The following GRM7 variants were observed in gnomAD, a reference collection of about 807,000 sequenced individuals.
The protein encoded by GRM7 is metabotropic glutamate receptor 7.
GRM7 carries 35 observed loss-of-function variants against 84.5 expected under a neutral mutation model. The observed-to-expected ratio is 0.41, with a 90% CI of 0.32 to 0.55. The LOEUF is 0.55. Among genes scored for constraint, GRM7 ranks in the 20% least tolerant of loss-of-function variants. The pLI is 0.19. For missense variants in GRM7, 1,003 were observed against 1,194.6 expected (o/e 0.84, Z 2.36); for synonymous variants, 487 against 455.1 (o/e 1.07, Z -0.89).
chr3:7,217,803 G>GGATATA (rs1325570143), intron 2 of GRM7, among the ~76,000 whole-genome samples: 3 of 150,752 alleles, frequency 2.0e-5, no homozygotes, highest in African/African-American at 7.3e-5. Flanking sequence ...ATAGGGATAT[G>GGATATA]GATATAGATA....
intron 8 of GRM7, among the ~76,000 whole-genome samples, chr3:7,592,312 A>T (rs1450413575): frequency 1.3e-5 from 2 of 152,194 alleles, no homozygotes; most frequent in Non-Finnish European, 2.9e-5. Context: ...ACAGTCTGCA[A>T]TTAGGAATAG....
intron 4 of GRM7, among the ~76,000 whole-genome samples, chr3:7,398,279 G>A (rs967209946): frequency 6.6e-6 from 1 of 152,190 alleles, no homozygotes; most frequent in Non-Finnish European, 1.5e-5. Flanking sequence ...GCATGTGGCA[G>A]TGAACAGTTT....
chr3:7,325,467 C>T (rs910883028), intron 4 of GRM7, among the ~76,000 whole-genome samples: 2 of 152,244 alleles, frequency 1.3e-5, no homozygotes, highest in Non-Finnish European at 2.9e-5. Flanking sequence ...AAAAGTCTTG[C>T]ATTCAAGTTC....
intron 8 of GRM7, among the ~76,000 whole-genome samples, chr3:7,621,552 G>T (rs1697356949): frequency 6.6e-6 from 1 of 152,118 alleles, no homozygotes; most frequent in Non-Finnish European, 1.5e-5. Flanking sequence ...TGAAATGCTT[G>T]TGTATTCTAA....
chr3:7,140,148 A>G (rs1574952588), intron 1 of GRM7, among the ~76,000 whole-genome samples: 1 of 152,032 alleles, frequency 6.6e-6, no homozygotes, highest in East Asian at 1.9e-4. Flanking sequence ...AAGACAAAAT[A>G]TAAGAAGCAT....
At chr3:7,435,159 A>G (rs1219395308) in intron 5 of GRM7, among the ~76,000 whole-genome samples, 1 of 147,500 alleles carries the variant, frequency 6.8e-6, no homozygotes, top group East Asian at 2.0e-4. Flanking sequence ...CATTCTCTAT[A>G]TTTTCTTTTT....
Position 7,473,489 on chromosome 3 carries a change from G to GGAGAGAGAGAGA in GRM7, c.1515+11798_1515+11809dup, listed in dbSNP as rs372898836. Among the ~76,000 whole-genome samples, 709 of 126,456 alleles carry GGAGAGAGAGAGA rather than the reference G, an allele frequency of 5.6e-3. 17 individuals are homozygous for GGAGAGAGAGAGA. Among genetic ancestry groups the GGAGAGAGAGAGA allele is most frequent in the Admixed American group, 0.01 (118 of 11,468 alleles). The allele number at this position is 126,456 out of a possible 152,430, so 83.0% of individuals were successfully genotyped here. A position where few individuals can be genotyped will look rare whatever the true frequency, so the allele number is the denominator to read the frequency against. ...AGACTCTGTCTCTTAAAAACGAGAG[G>GGAGAGAGAGAGA]GAGAGAGAGAGAGAGAGAGAGAGAG... On this transcript the variant is annotated intron_variant, in intron 7 of 9. Coordinates refer to ENST00000357716, the MANE Select transcript of GRM7 (RefSeq NM_000844.4).
At chr3:7,095,506 A>C (rs1362898873) in intron 1 of GRM7, among the ~76,000 whole-genome samples, 1 of 152,134 alleles carries the variant, frequency 6.6e-6, no homozygotes, top group African/African-American at 2.4e-5. Context: ...TGACATTGAG[A>C]TTACATATTC....
chr3:7,003,179 T>G (rs1415818052), intron 1 of GRM7, among the ~76,000 whole-genome samples: 2 of 152,178 alleles, frequency 1.3e-5, no homozygotes, highest in Non-Finnish European at 2.9e-5. Flanking sequence ...TTGCACTGCA[T>G]GTTGACCACA....
intron 8 of GRM7, among the ~76,000 whole-genome samples, chr3:7,588,769 A>T (rs73809439): frequency 4.9e-4 from 74 of 152,334 alleles, no homozygotes; most frequent in African/African-American, 1.6e-3. Flanking sequence ...GTATTGGTGG[A>T]CAAATGAATG....
intron 1 of GRM7, among the ~76,000 whole-genome samples, chr3:6,913,313 C>T (rs912334498): frequency 6.6e-6 from 1 of 152,134 alleles, no homozygotes; most frequent in African/African-American, 2.4e-5. Context: ...TCACATTGCA[C>T]TTATTTGCAT....
At chr3:7,127,125 T>G (rs1242412763) in intron 1 of GRM7, among the ~76,000 whole-genome samples, 2 of 152,190 alleles carry the variant, frequency 1.3e-5, no homozygotes, top group African/African-American at 2.4e-5. Flanking sequence ...TGTAAAAAAT[T>G]ATCTGACACT....
chr3:7,211,653 A>C (rs199873192), intron 2 of GRM7, among the ~76,000 whole-genome samples: 1 of 17,272 alleles, frequency 5.8e-5, no homozygotes, highest in South Asian at 1.1e-3. Flanking sequence ...TCTCCCAACC[A>C]AAAAAAAAAA....
At chr3:7,357,601 A>C (rs1276576536) in intron 4 of GRM7, among the ~76,000 whole-genome samples, 1 of 152,142 alleles carries the variant, frequency 6.6e-6, no homozygotes, top group African/African-American at 2.4e-5. Context: ...AGAATGTTTT[A>C]TTACACTGCC....
chr3:7,722,537 G>C (rs999981657), intron 9 of GRM7, among the ~76,000 whole-genome samples: 4 of 151,250 alleles, frequency 2.6e-5, no homozygotes, highest in Non-Finnish European at 5.9e-5. Context: ...CTGCCTCCTG[G>C]ATTTAAGAGA....
chr3:7,628,369 C>G (rs972967455), intron 8 of GRM7, among the ~76,000 whole-genome samples: 3 of 152,114 alleles, frequency 2.0e-5, no homozygotes, highest in Non-Finnish European at 4.4e-5. Flanking sequence ...GAACTGGAAC[C>G]ATTTCTCATT....
At chr3:7,665,286 C>T (rs1424782550) in intron 8 of GRM7, among the ~76,000 whole-genome samples, 1 of 151,518 alleles carries the variant, frequency 6.6e-6, no homozygotes, top group African/African-American at 2.4e-5. Context: ...ATTCTCCTGC[C>T]TCAGCCTCCC....
At chr3:7,677,770 A>G (rs1003538380) in intron 8 of GRM7, among the ~76,000 whole-genome samples, 2 of 152,368 alleles carry the variant, frequency 1.3e-5, no homozygotes, top group Admixed American at 6.5e-5. Flanking sequence ...TACTGGGTAC[A>G]TAGTCAAAAG....
At chr3:7,627,692 T>G (rs1045022423) in intron 8 of GRM7, among the ~76,000 whole-genome samples, 2 of 152,172 alleles carry the variant, frequency 1.3e-5, no homozygotes, top group African/African-American at 2.4e-5. Context: ...AGAAATTTAT[T>G]TGCTCACAGT....
Sources: allele counts gnomAD v4.1 joint callset (sites outside exome capture counted in the v4.1 genomes callset), GRCh38; gene constraint gnomAD v4.1.1; transcripts MANE v1.5; gene names NCBI Gene and HGNC (gene_info 2026-07-23, HGNC 2026-07-21).